The following BIRC2 variants were observed in gnomAD, a reference collection of about 807,000 sequenced individuals.
BIRC2 encodes baculoviral IAP repeat-containing protein 2.
Under a neutral mutation model 60.9 loss-of-function variants are expected in BIRC2, and 18 were observed. The observed-to-expected ratio is 0.30, with a 90% CI of 0.20 to 0.44. BIRC2 has a LOEUF of 0.44. Among genes scored for constraint, BIRC2 ranks in the 20% least tolerant of loss-of-function variants. BIRC2 has a pLI of 1.00. For synonymous variants in BIRC2, 282 were observed against 247.7 expected, an observed-to-expected ratio of 1.14 and a Z score of -1.30; for missense variants, 701 against 728.5, an observed-to-expected ratio of 0.96 and a Z score of 0.43.
At chr11:102,356,080 C>T (rs992438496) in intron 3 of BIRC2, among the ~76,000 whole-genome samples, 2 of 151,756 alleles carry the variant, frequency 1.3e-5, no homozygotes, top group African/African-American at 4.8e-5. Context: ...ATTTGGATGC[C>T]TTTTTCTTTT....
intron 6 of BIRC2, among the ~76,000 whole-genome samples, chr11:102,373,307 G>A (rs901782618): frequency 1.8e-4 from 27 of 152,228 alleles, no homozygotes; most frequent in South Asian, 4.1e-4. Flanking sequence ...TGCTGGTACC[G>A]GTTGTTCCTT....
At chr11:102,359,954 G>T (rs1021875877) in intron 3 of BIRC2, among the ~76,000 whole-genome samples, 1 of 148,702 alleles carries the variant, frequency 6.7e-6, no homozygotes, top group South Asian at 2.1e-4. Context: ...GAATTCTCGG[G>T]TTTGTTTTTC....
chr11:102,352,801 C>G (rs1951379254), intron 3 of BIRC2, among the ~76,000 whole-genome samples: 1 of 152,202 alleles, frequency 6.6e-6, no homozygotes, highest in Non-Finnish European at 1.5e-5. Context: ...TCATACATCA[C>G]AGATTATGTT....
At chr11:102,364,174 T>A (rs10895291) in intron 5 of BIRC2, among the ~76,000 whole-genome samples, 1 of 78,120 alleles carries the variant, frequency 1.3e-5, no homozygotes, top group African/African-American at 6.7e-5. Flanking sequence ...TATATATATA[T>A]ACACACACAC....
chr11:102,351,211 A>G (rs1013469643), intron 3 of BIRC2, among the ~76,000 whole-genome samples: 1 of 152,242 alleles, frequency 6.6e-6, no homozygotes, highest in Non-Finnish European at 1.5e-5. Flanking sequence ...AAGGATTACA[A>G]AGACATATAA....
At chr11:102,373,484 T>G (rs1317141171) in intron 6 of BIRC2, among the ~76,000 whole-genome samples, 5 of 151,898 alleles carry the variant, frequency 3.3e-5, no homozygotes, top group Non-Finnish European at 7.4e-5. Context: ...TTAAGAATGT[T>G]GAATATTGGC....
chr11:102,350,147 G>A lies in BIRC2; in HGVS notation c.293G>A (p.Ser98Asn), dbSNP rs771059742. ...LMLDNWKLGD[S>N]PIQKHKQLYP... ...CTGGATAACTGGAAACTAGGAGACA[G>A]TCCTATTCAAAAGCATAAACAGCTA... Residue 98 changes from serine to asparagine, a missense_variant, in exon 2 of 9, where the codon AGT (serine) becomes AAT (asparagine). Transcript: ENST00000227758. 18 of 1,614,114 alleles carry A rather than the reference G, an allele frequency of 1.1e-5. 1 individual carries two copies. The South Asian group carries it at 1.8e-4, about 16-fold the overall frequency.
chr11:102,378,069 T>A lies in BIRC2; in HGVS notation c.1743T>A (p.Val581=). The A allele has an allele frequency of 6.2e-7, 1 of 1,613,758 alleles. No homozygotes were observed. The highest frequency in any genetic ancestry group is 8.5e-7 in the Non-Finnish European group (1 of 1,179,820). The part of the protein sequence containing the change: ...CKVCMDKEVS[V]VFIPCGHLVV... ...TGTGTATGGACAAAGAAGTTTCTGT[T>A]GTATTTATTCCTTGTGGTCATCTGG... is the stretch of plus-strand genomic sequence containing the variant. The change falls in exon 9 of 9, where the codon GTT becomes GTA. Residue 581 remains valine (V), a synonymous_variant. Coordinates refer to ENST00000227758, the MANE Select transcript of BIRC2 (RefSeq NM_001166.5).
At chr11:102,356,792 C>T (rs538959645) in intron 3 of BIRC2, among the ~76,000 whole-genome samples, 2 of 151,296 alleles carry the variant, frequency 1.3e-5, no homozygotes, top group African/African-American at 4.9e-5. Context: ...GATTCTCCTG[C>T]CTCAGCCTCC....
At chr11:102,361,194 C>T (rs1951481651) in intron 3 of BIRC2, among the ~76,000 whole-genome samples, 2 of 152,080 alleles carry the variant, frequency 1.3e-5, no homozygotes, top group South Asian at 4.1e-4. Flanking sequence ...CAAGTGTTTG[C>T]AGAAAGACAG....
chr11:102,366,468 G>C (rs1007519149), intron 5 of BIRC2, among the ~76,000 whole-genome samples: 1 of 151,800 alleles, frequency 6.6e-6, no homozygotes, highest in Non-Finnish European at 1.5e-5. Context: ...CCGGGTTCAC[G>C]CCATTCTCTT....
At chr11:102,361,391 A>C (rs1951484371) in intron 3 of BIRC2, among the ~76,000 whole-genome samples, 1 of 152,110 alleles carries the variant, frequency 6.6e-6, no homozygotes, top group African/African-American at 2.4e-5. Flanking sequence ...ATGAAGGTAC[A>C]TGTGAAGCAG....
In BIRC2 at chr11:102,377,029, A is replaced by C. The variant is rs960314849; in HGVS notation, c.1367-467A>C. 2.0e-5 allele frequency among the ~76,000 whole-genome samples: 3 copies of C among 152,100 alleles called. No individual in the cohort carries two copies. In the East Asian group the frequency reaches 5.8e-4, roughly 29 times the overall value. On this transcript the variant is annotated intron_variant, in intron 6 of 8. Transcript: ENST00000227758. ...TCTAGGATGCCTGGTTCTGCAGCTTATTCTTTCTTGTGATCTTAGGCCACT... is the reference window on the plus strand; with the variant it reads ...TCTAGGATGCCTGGTTCTGCAGCTTCTTCTTTCTTGTGATCTTAGGCCACT...
chr11:102,350,819 A>G lies in BIRC2; in HGVS notation c.896-25A>G, dbSNP rs764235448. On this transcript the variant is annotated intron_variant, in intron 2 of 8. Coordinates refer to ENST00000227758, the MANE Select transcript of BIRC2 (RefSeq NM_001166.5). The stretch of plus-strand genomic sequence containing the variant: ...ACATATTAGAACATACGTGTTTTCA[A>G]TATTTAGTCTTTTTTTTCCTGAAGG... 3.7e-6 allele frequency: 6 copies of G among 1,611,728 alleles called. No homozygotes were observed. The East Asian group carries it at 6.7e-5, about 18-fold the overall frequency.
At chr11:102,377,122 T>C (rs1951724268) in intron 6 of BIRC2, among the ~76,000 whole-genome samples, 3 of 152,174 alleles carry the variant, frequency 2.0e-5, no homozygotes. Flanking sequence ...CTTGTTTAAT[T>C]GACAGGATCA....
chr11:102,348,882 A>C lies in BIRC2; in HGVS notation c.-973A>C, dbSNP rs1225242947. On this transcript the variant is annotated 5_prime_UTR_variant, in exon 2 of 9. Transcript: ENST00000227758. ...ACAAGTTTTATCTTGTGATAAATTG[A>C]TTAATGTTTACAACATGACTGATAA... The C allele has an allele frequency of 5.2e-6, 1 of 190,608 alleles. No homozygotes were observed. 11.8% of individuals were successfully genotyped at this position (190,608 alleles called of 1,614,324 possible).
chr11:102,374,381 C>G (rs1951675639), intron 6 of BIRC2, among the ~76,000 whole-genome samples: 1 of 148,280 alleles, frequency 6.7e-6, no homozygotes, highest in African/African-American at 2.5e-5. Flanking sequence ...AGTTTTCCTT[C>G]TAACAGACAG....
chr11:102,377,391 T>A, intron 6 of BIRC2, 105 bp from the exon 7 acceptor site: 1 of 1,034,736 alleles, frequency 9.7e-7, no homozygotes, highest in Non-Finnish European at 1.4e-6. Context: ...TTTTTGAACT[T>A]TATTTAGTGC....
chr11:102,351,133 CT>C (rs1255408201), intron 3 of BIRC2, among the ~76,000 whole-genome samples, 190 bp downstream of exon 3: 1 of 152,136 alleles, frequency 6.6e-6, no homozygotes, highest in Non-Finnish European at 1.5e-5. Flanking sequence ...CTTCTGTGTA[CT>C]TTTGTAAGTC....
Sources: allele counts gnomAD v4.1 joint callset (sites outside exome capture counted in the v4.1 genomes callset), GRCh38; gene constraint gnomAD v4.1.1; transcripts MANE v1.5; gene names NCBI Gene and HGNC (gene_info 2026-07-23, HGNC 2026-07-21).